The following ADAM32 variants were observed in gnomAD, a reference collection of about 807,000 sequenced individuals.
ADAM32 encodes the protein ADAM metallopeptidase domain 32.
ADAM32 carries 89 observed loss-of-function variants against 114.9 expected under a neutral mutation model. The ratio of observed to expected loss-of-function variants is 0.77; its 90% CI spans 0.65 to 0.92. ADAM32 has a LOEUF of 0.92. Ranked by LOEUF, ADAM32 falls within the 40% of genes least tolerant of loss-of-function variation. The pLI is 0.00. For missense variants in ADAM32, 870 were observed against 932.8 expected (o/e 0.93, Z 0.88); for synonymous variants, 285 against 307.5 (o/e 0.93, Z 0.77).
intron 10 of ADAM32, among the ~76,000 whole-genome samples, chr8:39,178,960 T>C (rs965631883): frequency 4.6e-5 from 7 of 152,078 alleles, no homozygotes; most frequent in African/African-American, 1.7e-4. Flanking sequence ...TATACTCCTG[T>C]AGGTGATATC....
intron 10 of ADAM32, among the ~76,000 whole-genome samples, chr8:39,180,904 G>A (rs940941556): frequency 2.6e-5 from 4 of 152,222 alleles, no homozygotes; most frequent in African/African-American, 9.6e-5. Flanking sequence ...TCGACACTCT[G>A]TATCTAGCTG....
rs150324929 is a variant in ADAM32, at chr8:39,194,778, C to T, written c.1052+7733C>T. Among the ~76,000 whole-genome samples, 216 of 152,248 alleles carry T rather than the reference C, an allele frequency of 1.4e-3. 1 individual carries two copies. Among genetic ancestry groups the T allele is most frequent in the African/African-American group, 5.0e-3 (207 of 41,544 alleles). On this transcript the variant is annotated intron_variant, in intron 11 of 24. Transcript: ENST00000379907. ...AAGACTGCTTTGCAGACTTCAGGTACGACAGTTCCCCTAGGGCTAAAGTCT... is the reference window on the plus strand; with the variant it reads ...AAGACTGCTTTGCAGACTTCAGGTATGACAGTTCCCCTAGGGCTAAAGTCT...
chr8:39,262,615 T>G (rs900578629), intron 19 of ADAM32, among the ~76,000 whole-genome samples: 1 of 151,882 alleles, frequency 6.6e-6, no homozygotes, highest in Admixed American at 6.6e-5. Context: ...CTTCCTACCT[T>G]CCTCCTTCCC....
intron 10 of ADAM32, among the ~76,000 whole-genome samples, chr8:39,182,140 A>G (rs35397981): frequency 0.03 from 4,577 of 152,320 alleles, 88 homozygotes; most frequent in Non-Finnish European, 0.048. Context: ...GAGTTCAGAA[A>G]CAAAAAAATG....
At chr8:39,223,387 A>G in intron 14 of ADAM32, 149 bp downstream of exon 14, 1 of 379,482 alleles carries the variant, frequency 2.6e-6, no homozygotes, top group Non-Finnish European at 4.3e-6. Flanking sequence ...TATTATATAT[A>G]TAAGCAGAAT....
chr8:39,147,130 A>G lies in ADAM32; in HGVS notation c.201A>G (p.Arg67=). 2 of 972,642 alleles carry G rather than the reference A, an allele frequency of 2.1e-6. No individual in the cohort carries two copies. Among genetic ancestry groups the G allele is most frequent in the Non-Finnish European group, 2.8e-6 (2 of 727,242 alleles). The allele number at this position is 972,642 out of a possible 1,614,324, so 60.3% of individuals were successfully genotyped here. A position where few individuals can be genotyped will look rare whatever the true frequency, so the allele number is the denominator to read the frequency against. ...AAATTTCCTCTTTTTTTATATTCAG[A>G]TATTTTTTAGCAGATAATTTTATGA... ...EKLYTVHLKQ[R]YFLADNFMIY... The change falls in exon 4 of 25, where the codon AGA becomes AGG. Residue 67 remains arginine (R), a splice_region_variant and synonymous_variant. Coordinates refer to ENST00000379907, the MANE Select transcript of ADAM32 (RefSeq NM_145004.7).
chr8:39,138,934 G>C (rs180800170), intron 3 of ADAM32, among the ~76,000 whole-genome samples: 388 of 152,282 alleles, frequency 2.5e-3, no homozygotes, highest in African/African-American at 8.8e-3. Context: ...GTGATGATGA[G>C]CATTTTTTCA....
chr8:39,110,588 G>C (rs1242306279), intron 1 of ADAM32, among the ~76,000 whole-genome samples: 2 of 152,196 alleles, frequency 1.3e-5, no homozygotes, highest in African/African-American at 2.4e-5. Flanking sequence ...CATATGATAA[G>C]AGTATATTTA....
In ADAM32 at chr8:39,243,869, A is replaced by G. The variant is rs936879765; in HGVS notation, c.1819-2214A>G. Among the ~76,000 whole-genome samples the G allele has an allele frequency of 9.9e-5, 15 of 152,244 alleles. No individual in the cohort carries two copies. The South Asian group carries it at 1.7e-3, about 17-fold the overall frequency. On this transcript the variant is annotated intron_variant, in intron 16 of 24. Coordinates refer to ENST00000379907, the MANE Select transcript of ADAM32 (RefSeq NM_145004.7). ...GTCACTGCTTGCCAATGATATGATC[A>G]TATACCTTGGAAACCCTAAAGACTC...
chr8:39,152,040 T>C (rs1585408703), intron 6 of ADAM32, among the ~76,000 whole-genome samples: 1 of 152,180 alleles, frequency 6.6e-6, no homozygotes, highest in Non-Finnish European at 1.5e-5. Flanking sequence ...CTTATTTTGC[T>C]TGTTACATTC....
At chr8:39,260,303 T>C (rs1212481414) in intron 19 of ADAM32, among the ~76,000 whole-genome samples, 1 of 152,156 alleles carries the variant, frequency 6.6e-6, no homozygotes, top group Admixed American at 6.5e-5. Flanking sequence ...TCAATTTGGA[T>C]GCCCTTTTTT....
At chr8:39,117,995 C>A in intron 1 of ADAM32, 91 bp from the exon 2 acceptor site, 1 of 845,164 alleles carries the variant, frequency 1.2e-6, no homozygotes, top group South Asian at 1.9e-5. Flanking sequence ...CCACCCATAC[C>A]TGCACAAGTA....
intron 11 of ADAM32, among the ~76,000 whole-genome samples, chr8:39,189,829 G>T (rs540638619): frequency 6.6e-6 from 1 of 151,424 alleles, no homozygotes; most frequent in Non-Finnish European, 1.5e-5. Context: ...ATGGAGTCTC[G>T]CTCTGTTGCC....
chr8:39,213,152 A>AT (rs963719502), intron 12 of ADAM32, among the ~76,000 whole-genome samples: 3 of 151,850 alleles, frequency 2.0e-5, no homozygotes, highest in Admixed American at 6.6e-5. Flanking sequence ...CATACTTATT[A>AT]TTTTTTTTGT....
chr8:39,233,669 G>C (rs559004342), intron 15 of ADAM32, among the ~76,000 whole-genome samples: 19 of 152,266 alleles, frequency 1.2e-4, no homozygotes, highest in African/African-American at 4.6e-4. Flanking sequence ...ATTCAAGATA[G>C]AGTCATTCTT....
At chr8:39,193,490 CTGTTTCTG>C (rs1374175726) in intron 11 of ADAM32, among the ~76,000 whole-genome samples, 1 of 152,144 alleles carries the variant, frequency 6.6e-6, no homozygotes, top group Non-Finnish European at 1.5e-5. Flanking sequence ...ATTCTGAATT[CTGTTTCTG>C]TCATTTCAGC....
intron 14 of ADAM32, among the ~76,000 whole-genome samples, chr8:39,227,370 CT>C (rs1163135134): frequency 6.6e-6 from 1 of 152,176 alleles, no homozygotes; most frequent in African/African-American, 2.4e-5. Context: ...TGGGAGTTCT[CT>C]GGGTCCCCAG....
intron 19 of ADAM32, among the ~76,000 whole-genome samples, chr8:39,262,573 C>G (rs944667052): frequency 6.6e-6 from 1 of 151,882 alleles, no homozygotes; most frequent in Admixed American, 6.6e-5. Context: ...AATCTTCTAC[C>G]TCTTATTTGA....
At chr8:39,143,659 A>G (rs1402915448) in intron 3 of ADAM32, among the ~76,000 whole-genome samples, 1 of 152,144 alleles carries the variant, frequency 6.6e-6, no homozygotes, top group East Asian at 1.9e-4. Flanking sequence ...GTCAGGCTAC[A>G]TGGGGGTCAG....
Sources: gnomAD v4.1 joint callset for allele counts (sites outside exome capture counted in the v4.1 genomes callset) on GRCh38, gnomAD v4.1.1 for gene constraint, MANE v1.5 for transcripts, NCBI Gene and HGNC (gene_info 2026-07-23, HGNC 2026-07-21) for gene names.